The following BORCS5 variants were observed in gnomAD, a reference collection of about 807,000 sequenced individuals.
BORCS5 encodes the protein BLOC-1-related complex subunit 5.
A neutral mutation model predicts 22.1 loss-of-function variants in BORCS5; 17 were observed. The observed-to-expected ratio is 0.77, with a 90% CI of 0.53 to 1.15. BORCS5 has a LOEUF of 1.15. Among genes scored for constraint, BORCS5 ranks in the 50% most tolerant of loss-of-function variants. BORCS5 has a pLI of 0.00. For synonymous variants in BORCS5, 117 were observed against 99.8 expected, an observed-to-expected ratio of 1.17 and a Z score of -1.03; for missense variants, 247 against 253.2, an observed-to-expected ratio of 0.98 and a Z score of 0.17.
At chr12:12,457,253 G>T (rs1471540082) in intron 3 of BORCS5, among the ~76,000 whole-genome samples, 1 of 152,218 alleles carries the variant, frequency 6.6e-6, no homozygotes, top group Non-Finnish European at 1.5e-5. Context: ...GGTCAGCAAG[G>T]TTAAGTAACT....
At chr12:12,459,347 G>A (rs945670004) in intron 3 of BORCS5, among the ~76,000 whole-genome samples, 3 of 149,414 alleles carry the variant, frequency 2.0e-5, no homozygotes, top group African/African-American at 4.9e-5. Flanking sequence ...TTTTGCTCTT[G>A]TTGCCCAGGC....
At chr12:12,452,687 C>T (rs1942933788) in intron 3 of BORCS5, among the ~76,000 whole-genome samples, 1 of 152,220 alleles carries the variant, frequency 6.6e-6, no homozygotes, top group Non-Finnish European at 1.5e-5. Context: ...GTAATTGGTG[C>T]CATTCAGCCT....
chr12:12,424,099 G>T (rs1565899347), intron 2 of BORCS5, among the ~76,000 whole-genome samples: 1 of 152,136 alleles, frequency 6.6e-6, no homozygotes, highest in Non-Finnish European at 1.5e-5. Flanking sequence ...AATTTGGGAT[G>T]TTTTTGGCCA....
At chr12:12,461,754 G>A (rs1943108898) in intron 3 of BORCS5, among the ~76,000 whole-genome samples, 1 of 152,098 alleles carries the variant, frequency 6.6e-6, no homozygotes, top group Non-Finnish European at 1.5e-5. Context: ...AGTGCATGCC[G>A]GCTGCCTTTC....
At chr12:12,390,501 AGAAAGCCGGGG>A (rs1452920775) in intron 2 of BORCS5, among the ~76,000 whole-genome samples, 8 of 152,134 alleles carry the variant, frequency 5.3e-5, no homozygotes, top group African/African-American at 1.9e-4. Flanking sequence ...AGTTATGGTC[AGAAAGCCGGGG>A]GTGGTGGCAT....
At chr12:12,447,371 C>G (rs1402389472) in intron 3 of BORCS5, among the ~76,000 whole-genome samples, 1 of 152,146 alleles carries the variant, frequency 6.6e-6, no homozygotes, top group Non-Finnish European at 1.5e-5. Flanking sequence ...CAAGGGACCT[C>G]CTTCCTTATG....
chr12:12,440,397 G>C (rs969313574), intron 3 of BORCS5, among the ~76,000 whole-genome samples: 1 of 152,212 alleles, frequency 6.6e-6, no homozygotes, highest in South Asian at 2.1e-4. Context: ...CCCACCTAGT[G>C]GGGAGGTCCT....
At chr12:12,375,546 G>C (rs1400980988) in intron 2 of BORCS5, among the ~76,000 whole-genome samples, 1 of 152,204 alleles carries the variant, frequency 6.6e-6, no homozygotes, top group Non-Finnish European at 1.5e-5. Flanking sequence ...CTTGATTCCA[G>C]GAGTTTGAGG....
chr12:12,440,184 GAGTT>G (rs1248556556), intron 3 of BORCS5, among the ~76,000 whole-genome samples: 1 of 152,206 alleles, frequency 6.6e-6, no homozygotes, highest in Non-Finnish European at 1.5e-5. Flanking sequence ...GAAAATCAGA[GAGTT>G]AGCTCAGCTT....
chr12:12,368,284 T>G (rs897572571), intron 2 of BORCS5, among the ~76,000 whole-genome samples: 4 of 151,672 alleles, frequency 2.6e-5, no homozygotes, highest in Non-Finnish European at 2.9e-5. Context: ...CTGTTTTGTT[T>G]TTTTTTTTTT....
At chr12:12,402,584 C>G (rs961988408) in intron 2 of BORCS5, among the ~76,000 whole-genome samples, 4 of 152,150 alleles carry the variant, frequency 2.6e-5, no homozygotes, top group Non-Finnish European at 4.4e-5. Context: ...GACTTTTAAC[C>G]TTGACTTGCT....
At chr12:12,364,403 T>C (rs1349452120) in intron 2 of BORCS5, among the ~76,000 whole-genome samples, 1 of 151,808 alleles carries the variant, frequency 6.6e-6, no homozygotes. Context: ...AGAGAAAGTA[T>C]ATTAACTATT....
intron 2 of BORCS5, among the ~76,000 whole-genome samples, chr12:12,411,924 A>G (rs968554839): frequency 1.3e-5 from 2 of 152,190 alleles, no homozygotes; most frequent in African/African-American, 4.8e-5. Context: ...TGCCCCCAAC[A>G]ATCATATGAC....
In BORCS5 at chr12:12,465,786, G is replaced by A. The variant is rs773448538; in HGVS notation, c.*10G>A. The A allele has an allele frequency of 1.1e-5, 17 of 1,604,690 alleles. No homozygotes were observed. The highest frequency in any genetic ancestry group is 6.7e-5 in the Admixed American group (4 of 59,528). On this transcript the variant is annotated 3_prime_UTR_variant, in exon 4 of 4. Coordinates refer to ENST00000314565, the MANE Select transcript of BORCS5 (RefSeq NM_058169.6). ...CGAGCTCAGGCTGTAGCTGCTGCCCGGCCTGCCTGGGGCTGGGAGCCCCAG... is the reference window on the plus strand; with the variant it reads ...CGAGCTCAGGCTGTAGCTGCTGCCCAGCCTGCCTGGGGCTGGGAGCCCCAG...
At chr12:12,361,916 G>A (rs1185714331) in intron 2 of BORCS5, among the ~76,000 whole-genome samples, 2 of 152,152 alleles carry the variant, frequency 1.3e-5, no homozygotes, top group Non-Finnish European at 2.9e-5. Flanking sequence ...TACTGTGGTA[G>A]TTACCTTTTG....
chr12:12,424,837 C>G (rs78713447), intron 2 of BORCS5, among the ~76,000 whole-genome samples: 5,398 of 152,160 alleles, frequency 0.035, 301 homozygotes, highest in African/African-American at 0.12. Context: ...CTAATTTCCC[C>G]TATATATGTG....
chr12:12,373,891 C>T (rs769883222), intron 2 of BORCS5, among the ~76,000 whole-genome samples: 2 of 151,316 alleles, frequency 1.3e-5, no homozygotes, highest in Non-Finnish European at 2.9e-5. Flanking sequence ...GAATTTGGGG[C>T]AGGCTTCCTA....
At chr12:12,387,471 T>C (rs1217857323) in intron 2 of BORCS5, among the ~76,000 whole-genome samples, 1 of 151,502 alleles carries the variant, frequency 6.6e-6, no homozygotes, top group Non-Finnish European at 1.5e-5. Context: ...TGGAAGTATC[T>C]TTTATTCTGA....
intron 2 of BORCS5, among the ~76,000 whole-genome samples, chr12:12,386,401 C>G (rs2136050803): frequency 6.7e-6 from 1 of 149,318 alleles, no homozygotes. Context: ...ATCTTTAACA[C>G]TCTTAGATTT....
Sources: allele counts gnomAD v4.1 joint callset (sites outside exome capture counted in the v4.1 genomes callset), GRCh38; gene constraint gnomAD v4.1.1; transcripts MANE v1.5; gene names NCBI Gene and HGNC (gene_info 2026-07-23, HGNC 2026-07-21).